Variants in DYM observed in about 807,000 individuals in gnomAD.
DYM encodes the protein dymeclin, also known as dyggve-Melchior-Clausen syndrome protein.
Under a neutral mutation model 93.1 loss-of-function variants are expected in DYM, and 78 were observed. That is an observed-to-expected ratio of 0.84 (90% confidence interval 0.70 to 1.01). The LOEUF is 1.01. Among genes scored for constraint, DYM ranks in the 50% least tolerant of loss-of-function variants. The pLI, the probability that DYM is intolerant of heterozygous loss-of-function variation, is 0.00. For synonymous variants in DYM, 321 were observed against 319.7 expected (o/e 1.00, Z -0.04); for missense variants, 789 against 845.0 (o/e 0.93, Z 0.82).
At chr18:49,434,846 TCAA>T (rs766635024) in intron 1 of DYM, among the ~76,000 whole-genome samples, 47 of 151,704 alleles carry the variant, frequency 3.1e-4, no homozygotes, top group Admixed American at 8.5e-4. Context: ...CATGGAGATT[TCAA>T]CAACAACAAC....
At position 49,140,158 on chromosome 18, in the gene DYM, A is replaced by G. The variant is rs114055297; in HGVS notation, c.1729-21232T>C. ...AATAGTAAAAAGGCTAGGATAAAAC[A>G]TTAAAAAGAAAAAAAGTCTAAAGCT... is the stretch of plus-strand genomic sequence containing the variant. On this transcript the variant is annotated intron_variant, in intron 15 of 17. Coordinates refer to ENST00000675505, the MANE Select transcript of DYM (RefSeq NM_001353214.3). 3.0e-3 allele frequency among the ~76,000 whole-genome samples: 457 copies of G among 152,282 alleles called. 3 individuals are homozygous for G. Among genetic ancestry groups the G allele is most frequent in the African/African-American group, 0.01 (421 of 41,568 alleles).
chr18:49,256,941 C>T, intron 13 of DYM, 69 bp downstream of exon 13: 1 of 1,310,386 alleles, frequency 7.6e-7, no homozygotes, highest in Non-Finnish European at 1.1e-6. Context: ...TAAAAAGGAA[C>T]CACCATAGTA....
At chr18:49,168,294 TGA>T (rs1366473665) in intron 14 of DYM, among the ~76,000 whole-genome samples, 17 of 152,130 alleles carry the variant, frequency 1.1e-4, no homozygotes, top group Non-Finnish European at 1.0e-4. Context: ...GATACATACA[TGA>T]GAGAGTGGTA....
intron 2 of DYM, among the ~76,000 whole-genome samples, chr18:49,407,928 T>G (rs982517738): frequency 1.3e-5 from 2 of 152,092 alleles, no homozygotes; most frequent in Non-Finnish European, 2.9e-5. Context: ...TATTTCCAAG[T>G]AAGTTTTAAA....
In DYM at chr18:49,118,946, C is replaced by T; in HGVS notation, c.1729-20G>A. On this transcript the variant is annotated intron_variant, in intron 15 of 17. Coordinates refer to ENST00000675505, the MANE Select transcript of DYM (RefSeq NM_001353214.3). ...TTGTGCCTTATAGAGAAAAGAAACCCCAACACAGAGTCAGTCTTTTCCTCC... is the reference window on the plus strand; with the variant it reads ...TTGTGCCTTATAGAGAAAAGAAACCTCAACACAGAGTCAGTCTTTTCCTCC... 1 of 1,609,620 alleles carries T rather than the reference C, an allele frequency of 6.2e-7. No homozygotes were observed. Among genetic ancestry groups the T allele is most frequent in the South Asian group, 1.1e-5 (1 of 90,886 alleles).
chr18:49,137,708 C>G (rs75492474), intron 15 of DYM, among the ~76,000 whole-genome samples: 1 of 152,142 alleles, frequency 6.6e-6, no homozygotes, highest in Non-Finnish European at 1.5e-5. Flanking sequence ...TAAAAGCAAA[C>G]CATACTTTCC....
intron 13 of DYM, among the ~76,000 whole-genome samples, chr18:49,230,407 CAT>C (rs1306318792): frequency 1.3e-5 from 2 of 152,160 alleles, no homozygotes; most frequent in African/African-American, 4.8e-5. Context: ...ACACTTTTCA[CAT>C]GTCTTTCCCA....
intron 16 of DYM, among the ~76,000 whole-genome samples, chr18:49,111,459 TG>T (rs929294118): frequency 5.9e-5 from 9 of 152,332 alleles, no homozygotes; most frequent in Admixed American, 4.6e-4. Context: ...AGACATCATG[TG>T]TAGAACTGTA....
chr18:49,110,295 T>A (rs928040042), intron 16 of DYM, among the ~76,000 whole-genome samples: 1 of 152,210 alleles, frequency 6.6e-6, no homozygotes, highest in African/African-American at 2.4e-5. Context: ...TATGTTTACC[T>A]TTATTTTTGC....
chr18:49,319,512 G>T (rs1006899246), intron 8 of DYM, among the ~76,000 whole-genome samples: 8 of 152,158 alleles, frequency 5.3e-5, no homozygotes, highest in African/African-American at 1.9e-4. Context: ...TAAAGAAATT[G>T]ACATAGATGA....
chr18:49,445,310 G>C (rs994067509), intron 1 of DYM, among the ~76,000 whole-genome samples: 2 of 152,140 alleles, frequency 1.3e-5, no homozygotes, highest in African/African-American at 4.8e-5. Flanking sequence ...ACTTGCCCAA[G>C]ATTATAGAGC....
chr18:49,183,597 A>C (rs929998082), intron 14 of DYM, among the ~76,000 whole-genome samples: 1 of 152,154 alleles, frequency 6.6e-6, no homozygotes. Flanking sequence ...ATTTCACTAA[A>C]TATTAAGTTC....
chr18:49,303,096 C>G (rs9789092), intron 8 of DYM, among the ~76,000 whole-genome samples: 40,495 of 152,082 alleles, frequency 0.27, 5,352 homozygotes, highest in Middle Eastern at 0.36. Flanking sequence ...GAAACAGTTG[C>G]TAGTCCAAAA....
At chr18:49,142,688 A>G (rs1002073267) in intron 15 of DYM, among the ~76,000 whole-genome samples, 74 of 152,256 alleles carry the variant, frequency 4.9e-4, no homozygotes, top group Admixed American at 3.1e-3. Flanking sequence ...TACTTTGTCT[A>G]TTTGCATCTG....
chr18:49,341,317 C>T (rs886625644), intron 6 of DYM, among the ~76,000 whole-genome samples: 1 of 151,790 alleles, frequency 6.6e-6, no homozygotes, highest in Admixed American at 6.6e-5. Context: ...GGTGAAACCC[C>T]GTGAAACTAC....
intron 7 of DYM, among the ~76,000 whole-genome samples, chr18:49,332,878 G>A (rs993430008): frequency 6.6e-6 from 1 of 152,130 alleles, no homozygotes; most frequent in African/African-American, 2.4e-5. Context: ...ACAGTCCCAC[G>A]ATGCCAGCAC....
intron 16 of DYM, among the ~76,000 whole-genome samples, chr18:49,100,275 T>C (rs763934156): frequency 6.6e-6 from 1 of 152,180 alleles, no homozygotes; most frequent in Non-Finnish European, 1.5e-5. Context: ...CCATCCGCTT[T>C]GATAATCACT....
intron 5 of DYM, among the ~76,000 whole-genome samples, chr18:49,370,397 T>C (rs1456090245): frequency 2.0e-5 from 3 of 152,162 alleles, no homozygotes; most frequent in African/African-American, 4.8e-5. Context: ...CCCCACTTTG[T>C]TGCTTTTATC....
In DYM at chr18:49,040,935, T is replaced by C. The variant is rs80029135; in HGVS notation, c.*3120A>G. On this transcript the variant is annotated 3_prime_UTR_variant, in exon 18 of 18. Coordinates refer to ENST00000675505, the MANE Select transcript of DYM (RefSeq NM_001353214.3). ...CTCTTGGATGTACCTTAGCAAGCTC[T>C]TAGGAAGTTGCTGAGTGTTCTGATG... 0.018 allele frequency among the ~76,000 whole-genome samples: 2,701 copies of C among 152,348 alleles called. 80 individuals carry two copies. The highest frequency in any genetic ancestry group is 0.06 in the African/African-American group (2,512 of 41,582).
Sources: gnomAD v4.1 joint callset for allele counts (sites outside exome capture counted in the v4.1 genomes callset) on GRCh38, gnomAD v4.1.1 for gene constraint, MANE v1.5 for transcripts, NCBI Gene and HGNC (gene_info 2026-07-23, HGNC 2026-07-21) for gene names.